LRFN5: variants seen among roughly 807,000 people sequenced by gnomAD.
LRFN5 encodes leucine-rich repeat and fibronectin type-III domain-containing protein 5.
LRFN5 carries 24 observed loss-of-function variants against 45.6 expected under a neutral mutation model. The observed-to-expected ratio is 0.53, with a 90% CI of 0.38 to 0.74. The LOEUF is 0.74. Among genes scored for constraint, LRFN5 ranks in the 30% least tolerant of loss-of-function variants. LRFN5 has a pLI of 0.00. For synonymous variants in LRFN5, 340 were observed against 313.8 expected (o/e 1.08, Z -0.88); for missense variants, 776 against 861.5 (o/e 0.90, Z 1.24).
At chr14:41,873,255 A>T (rs1039874913) in intron 2 of LRFN5, among the ~76,000 whole-genome samples, 9 of 152,170 alleles carry the variant, frequency 5.9e-5, no homozygotes, top group Middle Eastern at 6.3e-3. Flanking sequence ...CACAAACTCA[A>T]ATCACAGAAA....
In LRFN5 at chr14:41,715,297, C is replaced by T. The variant is rs779880785; in HGVS notation, c.-196-51557C>T. Among the ~76,000 whole-genome samples, 13 of 152,068 alleles carry T rather than the reference C, an allele frequency of 8.5e-5. 1 individual carries two copies. Among genetic ancestry groups the T allele is most frequent in the South Asian group, 2.1e-4 (1 of 4,824 alleles). On this transcript the variant is annotated intron_variant, in intron 1 of 5. Transcript: ENST00000298119. Reference sequence around the variant, plus strand: ...ATTTTATTTTTGATCTTATATCCTTCCTTTGTATTGAGTCACCAGAAATTC... The same window carrying T: ...ATTTTATTTTTGATCTTATATCCTTTCTTTGTATTGAGTCACCAGAAATTC...
chr14:41,900,600 T>C (rs968979786), intron 5 of LRFN5, among the ~76,000 whole-genome samples: 1 of 152,152 alleles, frequency 6.6e-6, no homozygotes. Flanking sequence ...CTATAAATAT[T>C]AGCAAGTAAA....
chr14:41,892,588 G>A, intron 4 of LRFN5: 2 of 981,444 alleles, frequency 2.0e-6, no homozygotes, highest in Non-Finnish European at 1.2e-6. Flanking sequence ...TGTTTCCTTT[G>A]TTTTTAGGGA....
intron 1 of LRFN5, among the ~76,000 whole-genome samples, chr14:41,716,591 C>T (rs769901632): frequency 6.6e-5 from 10 of 152,166 alleles, no homozygotes; most frequent in Non-Finnish European, 5.9e-5. Flanking sequence ...ACAAGATCCT[C>T]ATCTCCATCT....
intron 1 of LRFN5, among the ~76,000 whole-genome samples, chr14:41,703,156 T>C (rs186162046): frequency 6.6e-6 from 1 of 152,328 alleles, no homozygotes; most frequent in African/African-American, 2.4e-5. Context: ...TATCGTTGTT[T>C]AGTTAATTAG....
chr14:41,671,616 C>CT (rs1566613142), intron 1 of LRFN5, among the ~76,000 whole-genome samples: 4 of 37,216 alleles, frequency 1.1e-4, no homozygotes, highest in Non-Finnish European at 1.3e-4. Context: ...TTTTTTTTTT[C>CT]GTTTTTTTTT....
intron 2 of LRFN5, among the ~76,000 whole-genome samples, chr14:41,813,381 TC>T (rs1345404012): frequency 6.6e-6 from 1 of 152,022 alleles, no homozygotes; most frequent in Non-Finnish European, 1.5e-5. Context: ...TGTGTGATGT[TC>T]CCCTCCCTGT....
intron 1 of LRFN5, among the ~76,000 whole-genome samples, chr14:41,620,398 CA>C (rs1451187377): frequency 6.6e-6 from 1 of 151,958 alleles, no homozygotes; most frequent in Non-Finnish European, 1.5e-5. Flanking sequence ...TGTAAAGTTA[CA>C]AACACAAAAA....
intron 2 of LRFN5, among the ~76,000 whole-genome samples, chr14:41,861,482 A>G (rs1421425249): frequency 6.6e-6 from 1 of 152,182 alleles, no homozygotes; most frequent in Non-Finnish European, 1.5e-5. Context: ...GATGTAACTC[A>G]CTTTAAGCAT....
In LRFN5 at chr14:41,734,344, A is replaced by ATATT. The variant is rs1428416141; in HGVS notation, c.-196-32509_-196-32508insATTT. 1.8e-3 allele frequency among the ~76,000 whole-genome samples: 192 copies of ATATT among 105,970 alleles called. 21 individuals carry two copies. Among genetic ancestry groups the ATATT allele is most frequent in the Admixed American group, 0.012 (117 of 9,618 alleles). 69.5% of individuals were successfully genotyped at this position (105,970 alleles called of 152,430 possible). ...TATATATATATATATATATATATATATTTAAATTTGCTGTAACTTATTGAT... is the reference window on the plus strand; with the variant it reads ...TATATATATATATATATATATATATATATTTTTAAATTTGCTGTAACTTATTGAT... On this transcript the variant is annotated intron_variant, in intron 1 of 5. Coordinates refer to ENST00000298119, the MANE Select transcript of LRFN5 (RefSeq NM_152447.5).
chr14:41,798,146 C>A (rs1044529942), intron 2 of LRFN5, among the ~76,000 whole-genome samples: 2 of 151,996 alleles, frequency 1.3e-5, no homozygotes, highest in African/African-American at 4.8e-5. Context: ...ATCATGGAAT[C>A]AACTTATTTC....
chr14:41,762,657 A>G (rs1885719106), intron 1 of LRFN5, among the ~76,000 whole-genome samples: 1 of 152,062 alleles, frequency 6.6e-6, no homozygotes, highest in Admixed American at 6.6e-5. Context: ...TTTTCAAGTC[A>G]TTTGTTTTAA....
intron 1 of LRFN5, among the ~76,000 whole-genome samples, chr14:41,758,749 A>G (rs1452443649): frequency 6.6e-6 from 1 of 152,310 alleles, no homozygotes; most frequent in Middle Eastern, 3.4e-3. Flanking sequence ...ATCTGACCTT[A>G]TGGAAAATTT....
chr14:41,872,555 C>A (rs1018702183), intron 2 of LRFN5, among the ~76,000 whole-genome samples: 1 of 152,186 alleles, frequency 6.6e-6, no homozygotes, highest in Non-Finnish European at 1.5e-5. Context: ...GAGTCCTTAT[C>A]ATCCTTGCTC....
intron 1 of LRFN5, among the ~76,000 whole-genome samples, chr14:41,626,829 T>C (rs1303139603): frequency 1.3e-5 from 2 of 152,112 alleles, no homozygotes; most frequent in Non-Finnish European, 2.9e-5. Context: ...TAATAGGTTC[T>C]GCTAAGATGC....
At chr14:41,812,165 T>C (rs971926717) in intron 2 of LRFN5, among the ~76,000 whole-genome samples, 7 of 152,056 alleles carry the variant, frequency 4.6e-5, no homozygotes, top group Non-Finnish European at 8.8e-5. Flanking sequence ...TTAAACTGAG[T>C]TATTACCTTA....
chr14:41,897,713 T>A (rs572358427), intron 4 of LRFN5, among the ~76,000 whole-genome samples: 1 of 152,272 alleles, frequency 6.6e-6, no homozygotes, highest in Admixed American at 6.5e-5. Flanking sequence ...CTGCATTTTT[T>A]AATTATAACC....
chr14:41,615,043 G>T (rs1273972899), intron 1 of LRFN5, among the ~76,000 whole-genome samples: 2 of 152,056 alleles, frequency 1.3e-5, no homozygotes, highest in Admixed American at 1.3e-4. Flanking sequence ...TCTGGAGAAT[G>T]CATGACTTAA....
intron 4 of LRFN5, among the ~76,000 whole-genome samples, chr14:41,897,261 A>T (rs958376873): frequency 4.6e-5 from 7 of 151,968 alleles, no homozygotes; most frequent in Non-Finnish European, 1.0e-4. Flanking sequence ...AAATTACCTC[A>T]CTAAGGTACT....
Sources: gnomAD v4.1 joint callset for allele counts (sites outside exome capture counted in the v4.1 genomes callset) on GRCh38, gnomAD v4.1.1 for gene constraint, MANE v1.5 for transcripts, NCBI Gene and HGNC (gene_info 2026-07-23, HGNC 2026-07-21) for gene names.